The following MINK1 variants were observed in gnomAD, a reference collection of about 807,000 sequenced individuals.
MINK1 encodes the protein misshapen-like kinase 1.
A neutral mutation model predicts 178.4 loss-of-function variants in MINK1; 46 were observed. The observed-to-expected ratio is 0.26, with a 90% confidence interval of 0.20 to 0.33. The LOEUF (loss-of-function observed/expected upper bound fraction) is 0.33, where lower values mean the gene tolerates loss of function less well. Ranked by LOEUF, MINK1 falls within the 10% of genes least tolerant of loss-of-function variation. The pLI is 1.00. For synonymous variants in MINK1, 797 were observed against 709.7 expected, an observed-to-expected ratio of 1.12 and a Z score of -1.96; for missense variants, 1,366 against 1,814.9, an observed-to-expected ratio of 0.75 and a Z score of 4.49.
rs757701145 is a variant in MINK1 at position 4,892,645 on chromosome 17, C to T, written c.2199-11C>T. The T allele has an allele frequency of 2.4e-4, 386 of 1,591,062 alleles. 1 individual carries two copies. Among genetic ancestry groups the T allele is most frequent in the Non-Finnish European group, 3.2e-4 (375 of 1,166,688 alleles). On this transcript the variant is annotated splice_polypyrimidine_tract_variant and intron_variant, in intron 18 of 31. Coordinates refer to ENST00000355280, the MANE Select transcript of MINK1 (RefSeq NM_153827.5). Reference sequence around the variant, plus strand: ...CGTGCCTCCCTGACCCTGACTCTGCCCCCCCAACAGTAACCCCGACCTCAG... The same window carrying T: ...CGTGCCTCCCTGACCCTGACTCTGCTCCCCCAACAGTAACCCCGACCTCAG...
chr17:4,843,484 AAAAG>A (rs1325896667), intron 1 of MINK1, among the ~76,000 whole-genome samples: 2 of 151,490 alleles, frequency 1.3e-5, no homozygotes, highest in Non-Finnish European at 2.9e-5. Context: ...TCACAAAAAA[AAAAG>A]AAAGAAAAAG....
chr17:4,895,278 C>A lies in MINK1; in HGVS notation c.3085+36C>A, dbSNP rs376627297. On this transcript the variant is annotated intron_variant, in intron 25 of 31. Coordinates refer to ENST00000355280, the MANE Select transcript of MINK1 (RefSeq NM_153827.5). The surrounding 1 kb of genome is among the most constrained non-coding windows in gnomAD (Gnocchi z 4.3). ...GCAGGGACAGCTGAGGAGGCTCTGG[C>A]GTGGCTCTTGTGCTCCTGGTTAGGT... is the stretch of plus-strand genomic sequence containing the variant. 12 of 1,611,660 alleles carry A rather than the reference C, an allele frequency of 7.4e-6. No individual in the cohort carries two copies. In the East Asian group the frequency reaches 2.5e-4, roughly 33 times the overall value.
intron 15 of MINK1, 29 bp from the exon 16 acceptor site, chr17:4,891,427 A>G: frequency 1.3e-6 from 2 of 1,525,984 alleles, no homozygotes; most frequent in South Asian, 2.6e-5. Context: ...TGGAGCAGGC[A>G]GCCCACCCTC....
chr17:4,879,462 C>T (rs995822376), intron 2 of MINK1, among the ~76,000 whole-genome samples: 1 of 152,218 alleles, frequency 6.6e-6, no homozygotes, highest in African/African-American at 2.4e-5. Context: ...TTTGGGGAAA[C>T]AGGCACCCCA....
At chr17:4,847,931 C>A (rs1473778537) in intron 1 of MINK1, among the ~76,000 whole-genome samples, 1 of 152,088 alleles carries the variant, frequency 6.6e-6, no homozygotes, top group African/African-American at 2.4e-5. Context: ...CTTGTACTCC[C>A]AGCACTTTGG....
Position 4,896,533 on chromosome 17 carries a change from C to T in MINK1, c.3720C>T (p.Tyr1240=), listed in dbSNP as rs563854407. Residue 1240 remains tyrosine, a synonymous_variant, in exon 30 of 32, where the codon TAC becomes TAT. Transcript: ENST00000355280. The surrounding 1 kb of genome is among the most constrained non-coding windows in gnomAD (Gnocchi z 4.6). Reference sequence around the variant, plus strand: ...ACGAGGGTGTCTACGTCAACACGTACGGGCGCATCATTAAGGATGTGGTGC... The same window carrying T: ...ACGAGGGTGTCTACGTCAACACGTATGGGCGCATCATTAAGGATGTGGTGC... ...YEDEGVYVNT[Y]GRIIKDVVLQ... The T allele has an allele frequency of 8.5e-5, 137 of 1,613,938 alleles. No homozygotes were observed. Among genetic ancestry groups the T allele is most frequent in the Admixed American group, 1.2e-4 (7 of 60,010 alleles).
At chr17:4,893,367 G>A (rs984565894) in intron 20 of MINK1, 67 bp from the exon 21 acceptor site, 47 of 1,610,494 alleles carry the variant, frequency 2.9e-5, no homozygotes, top group African/African-American at 8.0e-5. Context: ...GGGGTGTCCC[G>A]GCACCCTTTG....
chr17:4,856,350 G>A (rs1913135559), intron 1 of MINK1, among the ~76,000 whole-genome samples: 2 of 152,022 alleles, frequency 1.3e-5, no homozygotes, highest in South Asian at 4.1e-4. Context: ...TAGGAAGGAG[G>A]TGATCTTATC....
intron 1 of MINK1, among the ~76,000 whole-genome samples, chr17:4,852,992 G>A (rs1912314509): frequency 6.7e-5 from 1 of 15,000 alleles, no homozygotes; most frequent in South Asian, 1.9e-3. Flanking sequence ...GTGATTGATG[G>A]GGGAGTGTGG....
At chr17:4,867,520 C>T (rs1369602662) in intron 1 of MINK1, among the ~76,000 whole-genome samples, 1 of 151,688 alleles carries the variant, frequency 6.6e-6, no homozygotes, top group East Asian at 1.9e-4. Flanking sequence ...AAAAATTGGG[C>T]CAGGTACAGT....
chr17:4,838,704 A>C (rs1385041209), intron 1 of MINK1, among the ~76,000 whole-genome samples: 1 of 152,224 alleles, frequency 6.6e-6, no homozygotes, highest in African/African-American at 2.4e-5. Context: ...CATCTCCAGA[A>C]GCCGGTGAGA....
At chr17:4,865,538 C>T (rs1914826825) in intron 1 of MINK1, among the ~76,000 whole-genome samples, 1 of 151,644 alleles carries the variant, frequency 6.6e-6, no homozygotes, top group African/African-American at 2.4e-5. Flanking sequence ...ACAAATGTGC[C>T]TATGTGGAAC....
intron 1 of MINK1, among the ~76,000 whole-genome samples, chr17:4,878,114 A>G (rs954775082): frequency 3.3e-5 from 5 of 151,936 alleles, no homozygotes; most frequent in Non-Finnish European, 7.4e-5. Context: ...CCGGCCACTC[A>G]CTTCTTCCAA....
At position 4,897,373 on chromosome 17, in the gene MINK1, C is replaced by T. The variant is rs997264815; in HGVS notation, c.*86C>T. 7.7e-7 allele frequency: 1 copy of T among 1,292,078 alleles called. No homozygotes were observed. The allele number at this position is 1,292,078 out of a possible 1,614,324, so 80.0% of individuals were successfully genotyped here. On this transcript the variant is annotated 3_prime_UTR_variant, in exon 32 of 32. Coordinates refer to ENST00000355280, the MANE Select transcript of MINK1 (RefSeq NM_153827.5). ...CCCGGGCCGCCCCTCTTTCCCCTCC[C>T]TGGGCTTTTGCTTTTACTGGTTTGA...
chr17:4,891,607 G>T lies in MINK1; in HGVS notation c.1892G>T (p.Ser631Ile), dbSNP rs1488748121. The T allele has an allele frequency of 3.7e-6, 6 of 1,603,478 alleles. No individual in the cohort carries two copies. Among genetic ancestry groups the T allele is most frequent in the Admixed American group, 1.7e-5 (1 of 58,354 alleles). The part of the protein sequence containing the change: ...PAIPAPTATP[S>I]ARGAVIRQNS... ...ATCCCCGCACCCACTGCCACGCCCA[G>T]TGCCCGAGGAGCTGTCATCCGCCAG... The change falls in exon 16 of 32, where the codon AGT (serine) becomes ATT (isoleucine). Residue 631 changes from serine (S) to isoleucine (I), a missense_variant. By Grantham distance (142) the Ser-to-Ile change is moderately radical. Transcript: ENST00000355280.
chr17:4,891,188 ACACACACGCGCG>A (rs1968757886), intron 15 of MINK1, 64 bp downstream of exon 15: 2 of 1,191,208 alleles, frequency 1.7e-6, no homozygotes, highest in Non-Finnish European at 2.3e-6. Context: ...GCACAGGTAC[ACACACACGCGCG>A]CACACACACA....
rs754723601 is a variant in MINK1, at chr17:4,892,621, G to A, written c.2199-35G>A. On this transcript the variant is annotated intron_variant, in intron 18 of 31. Coordinates refer to ENST00000355280, the MANE Select transcript of MINK1 (RefSeq NM_153827.5). The stretch of plus-strand genomic sequence containing the variant: ...TCAGCACCCCAGAGAAGGGAGCACC[G>A]TGCCTCCCTGACCCTGACTCTGCCC... 5.4e-5 allele frequency: 84 copies of A among 1,566,198 alleles called. No individual in the cohort carries two copies. The East Asian group carries it at 6.3e-4, about 12-fold the overall frequency.
At chr17:4,851,399 T>C (rs1235234775) in intron 1 of MINK1, among the ~76,000 whole-genome samples, 1 of 152,074 alleles carries the variant, frequency 6.6e-6, no homozygotes, top group African/African-American at 2.4e-5. Context: ...GCACCATCAT[T>C]CCATTTCACC....
At position 4,886,446 on chromosome 17, in the gene MINK1, T is replaced by C; in HGVS notation, c.774-5T>C. ...CCTCCCAGTGTGAGCCACCACTGTT[T>C]CCAGGTCTAAGAAGTTCATTGACTT... On this transcript the variant is annotated splice_polypyrimidine_tract_variant and splice_region_variant and intron_variant, in intron 9 of 31. Coordinates refer to ENST00000355280, the MANE Select transcript of MINK1 (RefSeq NM_153827.5). This position sits in a 1 kb window ranked among gnomAD's most constrained non-coding sequence, Gnocchi z 6.1. The C allele has an allele frequency of 6.3e-7, 1 of 1,598,390 alleles. No individual in the cohort carries two copies. The highest frequency in any genetic ancestry group is 1.1e-5 in the South Asian group (1 of 88,580).
Sources: gnomAD v4.1 joint callset for allele counts (sites outside exome capture counted in the v4.1 genomes callset) on GRCh38, gnomAD v4.1.1 for gene constraint, Gnocchi (gnomAD v3.1) non-coding constraint, MANE v1.5 for transcripts, NCBI Gene and HGNC (gene_info 2026-07-23, HGNC 2026-07-21) for gene names.